ANKS1B: variants seen among roughly 807,000 people sequenced by gnomAD.
The protein encoded by ANKS1B is ankyrin repeat and sterile alpha motif domain-containing protein 1B.
A neutral mutation model predicts 148.3 loss-of-function variants in ANKS1B; 36 were observed. That is an observed-to-expected ratio of 0.24 (90% CI 0.19 to 0.32). The LOEUF (loss-of-function observed/expected upper bound fraction) is 0.32, where lower values mean the gene tolerates loss of function less well. Among genes scored for constraint, ANKS1B ranks in the 10% least tolerant of loss-of-function variants. The pLI is 1.00. For synonymous variants in ANKS1B, 542 were observed against 560.8 expected (o/e 0.97, Z 0.47); for missense variants, 1,157 against 1,542.6 (o/e 0.75, Z 4.19).
intron 1 of ANKS1B, among the ~76,000 whole-genome samples, chr12:99,942,092 T>G (rs2094934077): frequency 6.6e-6 from 1 of 152,008 alleles, no homozygotes; most frequent in South Asian, 2.1e-4. Flanking sequence ...TAAGAAAGGG[T>G]GAAACATGTA....
At chr12:99,610,938 G>C (rs2097896551) in intron 9 of ANKS1B, among the ~76,000 whole-genome samples, 1 of 151,920 alleles carries the variant, frequency 6.6e-6, no homozygotes, top group Admixed American at 6.6e-5. Context: ...TTGAGATAAG[G>C]TACCTCAAAA....
chr12:99,706,164 G>C (rs1348219170), intron 8 of ANKS1B, among the ~76,000 whole-genome samples: 2 of 152,040 alleles, frequency 1.3e-5, no homozygotes, highest in African/African-American at 4.8e-5. Flanking sequence ...GTAGGAAAGA[G>C]AGGAATGCCA....
chr12:99,878,470 C>T (rs1194909766), intron 1 of ANKS1B, among the ~76,000 whole-genome samples: 1 of 152,210 alleles, frequency 6.6e-6, no homozygotes, highest in African/African-American at 2.4e-5. Context: ...GTGCTGGGCA[C>T]TCTTTGAGTC....
intron 11 of ANKS1B, among the ~76,000 whole-genome samples, chr12:99,408,084 C>T (rs146704707): frequency 6.9e-6 from 1 of 145,878 alleles, no homozygotes; most frequent in Non-Finnish European, 1.5e-5. Context: ...AATCACATTG[C>T]CTGACTTCAA....
intron 8 of ANKS1B, among the ~76,000 whole-genome samples, chr12:99,673,510 T>C (rs2098547995): frequency 6.6e-6 from 1 of 152,034 alleles, no homozygotes; most frequent in African/African-American, 2.4e-5. Context: ...ACATATGCAA[T>C]ATAAACAATA....
chr12:99,105,810 T>G (rs2059086707), intron 15 of ANKS1B, among the ~76,000 whole-genome samples: 1 of 151,660 alleles, frequency 6.6e-6, no homozygotes, highest in Non-Finnish European at 1.5e-5. Context: ...AACAAAATTT[T>G]ACTTCCTACT....
chr12:99,676,212 G>T (rs979388520), intron 8 of ANKS1B, among the ~76,000 whole-genome samples: 2 of 152,122 alleles, frequency 1.3e-5, no homozygotes, highest in African/African-American at 4.8e-5. Context: ...CCCCAGCCCT[G>T]TGGAACTGTG....
chr12:99,894,723 C>T (rs774027449), intron 1 of ANKS1B, among the ~76,000 whole-genome samples: 1 of 149,050 alleles, frequency 6.7e-6, no homozygotes, highest in East Asian at 2.0e-4. Context: ...TTATTTCACC[C>T]CACTCTGTGA....
In ANKS1B at chr12:99,668,235, C is replaced by T. The variant is rs1599247712; in HGVS notation, c.1129-13025G>A. Among the ~76,000 whole-genome samples the T allele has an allele frequency of 2.3e-5, 3 of 129,946 alleles. No homozygotes were observed. The East Asian group carries it at 7.2e-4, about 31-fold the overall frequency. The allele number at this position is 129,946 out of a possible 152,430, so 85.2% of individuals were successfully genotyped here. A position where few individuals can be genotyped will look rare whatever the true frequency, so the allele number is the denominator to read the frequency against. On this transcript the variant is annotated intron_variant, in intron 8 of 26. Transcript: ENST00000683438. ...ATTTAGGTCTTTCAAATAATTCTTC[C>T]ATTTCATCTAGGTTGTCAGTTATTG... is the stretch of plus-strand genomic sequence containing the variant.
intron 9 of ANKS1B, among the ~76,000 whole-genome samples, chr12:99,639,656 T>C (rs1268905629): frequency 6.6e-6 from 1 of 152,116 alleles, no homozygotes; most frequent in Non-Finnish European, 1.5e-5. Flanking sequence ...CGAGATCTGA[T>C]GGTTTTAAAA....
At chr12:99,256,904 C>A (rs544896684) in intron 12 of ANKS1B, among the ~76,000 whole-genome samples, 1 of 152,212 alleles carries the variant, frequency 6.6e-6, no homozygotes, top group Admixed American at 6.5e-5. Context: ...GGAAAAAAAT[C>A]AGCCATTATC....
chr12:99,971,871 G>C (rs1374220150), intron 1 of ANKS1B, among the ~76,000 whole-genome samples: 1 of 152,164 alleles, frequency 6.6e-6, no homozygotes, highest in Non-Finnish European at 1.5e-5. Context: ...AATGTGTACA[G>C]AAATACTTTT....
chr12:99,051,557 T>C lies in ANKS1B; in HGVS notation c.2778+1600A>G, dbSNP rs184270158. ...TAGCCATGTGATGAGTGTCAAGTTCTTGACAGAGAATTGAAATCTTAGCCT... is the reference window on the plus strand; with the variant it reads ...TAGCCATGTGATGAGTGTCAAGTTCCTGACAGAGAATTGAAATCTTAGCCT... On this transcript the variant is annotated intron_variant, in intron 17 of 26. Transcript: ENST00000683438. 2.6e-5 allele frequency among the ~76,000 whole-genome samples: 4 copies of C among 152,352 alleles called. No individual in the cohort carries two copies. The East Asian group carries it at 7.7e-4, about 29-fold the overall frequency.
At chr12:99,475,596 T>G (rs1362129655) in intron 10 of ANKS1B, among the ~76,000 whole-genome samples, 1 of 151,820 alleles carries the variant, frequency 6.6e-6, no homozygotes, top group African/African-American at 2.4e-5. Flanking sequence ...AAATTCCATT[T>G]TTTTATAATT....
intron 9 of ANKS1B, among the ~76,000 whole-genome samples, chr12:99,597,776 C>T (rs2097770125): frequency 6.6e-6 from 1 of 151,924 alleles, no homozygotes; most frequent in South Asian, 2.1e-4. Flanking sequence ...CGAATGGCGC[C>T]TATAAAATGG....
intron 1 of ANKS1B, among the ~76,000 whole-genome samples, chr12:99,904,696 A>G (rs755669916): frequency 7.9e-5 from 12 of 152,196 alleles, no homozygotes; most frequent in Non-Finnish European, 1.2e-4. Context: ...TGCAAACAAG[A>G]ATCAAAGGTA....
chr12:98,854,340 T>C (rs1031265769), intron 17 of ANKS1B, among the ~76,000 whole-genome samples: 4 of 152,214 alleles, frequency 2.6e-5, no homozygotes, highest in African/African-American at 9.7e-5. Flanking sequence ...ATGGGAAGTT[T>C]TGGAAATGCA....
intron 9 of ANKS1B, among the ~76,000 whole-genome samples, chr12:99,617,892 AT>A: frequency 6.6e-6 from 1 of 152,296 alleles, no homozygotes; most frequent in Middle Eastern, 3.4e-3. Flanking sequence ...ATACTGAGTG[AT>A]TTTTAATGTA....
At chr12:99,145,151 G>A (rs2072576951) in intron 15 of ANKS1B, among the ~76,000 whole-genome samples, 1 of 152,104 alleles carries the variant, frequency 6.6e-6, no homozygotes. Context: ...GTCATGGGAG[G>A]ACAGTGAAGG....
Sources: gnomAD v4.1 joint callset for allele counts (sites outside exome capture counted in the v4.1 genomes callset) on GRCh38, gnomAD v4.1.1 for gene constraint, MANE v1.5 for transcripts, NCBI Gene and HGNC (gene_info 2026-07-23, HGNC 2026-07-21) for gene names.